PEAR1: variants seen among roughly 807,000 people sequenced by gnomAD.
The protein encoded by PEAR1 is multiple EGF-like domains protein 12.
In PEAR1, 113 loss-of-function variants were observed where a neutral mutation model predicts 131.2. The observed-to-expected ratio is 0.86, with a 90% confidence interval of 0.74 to 1.01. The LOEUF is 1.01. Ranked by LOEUF, PEAR1 falls within the 50% of genes least tolerant of loss-of-function variation. The pLI, the probability that PEAR1 is intolerant of heterozygous loss-of-function variation, is 0.00. For missense variants in PEAR1, 1,408 were observed against 1,391.1 expected (o/e 1.01, Z -0.19); for synonymous variants, 565 against 523.3 (o/e 1.08, Z -1.09).
chr1:156,905,239 G>T, intron 3 of PEAR1, 85 bp from the exon 4 acceptor site: 1 of 1,400,196 alleles, frequency 7.1e-7, no homozygotes, highest in South Asian at 1.2e-5. Context: ...GTTGAGTGGT[G>T]CCCCTTCCCT....
chr1:156,905,123 A>G, intron 3 of PEAR1: 2 of 1,226,956 alleles, frequency 1.6e-6, no homozygotes, highest in South Asian at 1.4e-5. Context: ...TTTTTTTAAT[A>G]GACAAGGTCT....
At position 156,910,082 on chromosome 1, in the gene PEAR1, G is replaced by T. The variant is rs368688164; in HGVS notation, c.1652G>T (p.Arg551Leu). ...GATGGCTGTGACCCTGTTCATGGAC[G>T]CTGTCAGTGCCAGGCTGGCTGGATG... is the stretch of plus-strand genomic sequence containing the variant. ...HSDGCDPVHG[R>L]CQCQAGWMGA... Residue 551 changes from arginine to leucine, a missense_variant, in exon 13 of 23, where the codon CGC becomes CTC. Arg to Leu is a moderately radical substitution (Grantham distance 102). Transcript: ENST00000292357. The T allele has an allele frequency of 1.2e-6, 2 of 1,614,024 alleles. No homozygotes were observed. The highest frequency in any genetic ancestry group is 1.7e-6 in the Non-Finnish European group (2 of 1,180,020).
chr1:156,910,013 A>T lies in PEAR1; in HGVS notation c.1583A>T (p.Gln528Leu). 6.2e-7 allele frequency: 1 copy of T among 1,613,672 alleles called. No homozygotes were observed. Among genetic ancestry groups the T allele is most frequent in the Non-Finnish European group, 8.5e-7 (1 of 1,180,008 alleles). The change falls in exon 13 of 23, where the codon CAG (glutamine) becomes CTG (leucine). Residue 528 changes from glutamine (Q) to leucine (L), a missense_variant. Gln to Leu is a moderately radical substitution (Grantham distance 113). Coordinates refer to ENST00000292357, the MANE Select transcript of PEAR1 (RefSeq NM_001080471.3). ...AHCQLPCPKG[Q>L]FGEGCASRCD... ...CCCCACTCCTTCTCCAAGAAGGGGC[A>T]GTTTGGAGAAGGTTGTGCCAGTCGC...
chr1:156,909,793 C>T lies in PEAR1; in HGVS notation c.1454C>T (p.Thr485Ile), dbSNP rs1200654495. 1 of 1,613,946 alleles carries T rather than the reference C, an allele frequency of 6.2e-7. No homozygotes were observed. The highest frequency in any genetic ancestry group is 2.2e-5 in the East Asian group (1 of 44,870). Residue 485 changes from threonine (T) to isoleucine (I), a missense_variant, in exon 12 of 23, where the codon ACC becomes ATC. Coordinates refer to ENST00000292357, the MANE Select transcript of PEAR1 (RefSeq NM_001080471.3). ...GNCSVPCPPG[T>I]WGFSCNASCQ... ...TGCTCTGTGCCCTGCCCACCCGGAA[C>T]CTGGGGCTTCAGTTGCAATGCCAGC...
Position 156,906,752 on chromosome 1 carries a change from G to C in PEAR1, c.516G>C (p.Pro172=). The part of the protein sequence containing the change: ...VCSCPSGLQP[P]NCLQPCTPGY... ...CTTGCCCTTCTGGTCTGCAGCCCCC[G>C]AACTGCCTTCAGCCCTGTACCCCTG... is the stretch of plus-strand genomic sequence containing the variant. The change falls in exon 6 of 23, where the codon CCG becomes CCC. Residue 172 remains proline (P), a synonymous_variant. Transcript: ENST00000292357. 6.2e-7 allele frequency: 1 copy of C among 1,614,220 alleles called. No individual in the cohort carries two copies. The highest frequency in any genetic ancestry group is 1.1e-5 in the South Asian group (1 of 91,084).
intron 1 of PEAR1, among the ~76,000 whole-genome samples, chr1:156,900,214 G>T (rs919218443): frequency 6.6e-6 from 1 of 152,140 alleles, no homozygotes; most frequent in Admixed American, 6.5e-5. Flanking sequence ...GAGCCCAGCC[G>T]ATTTGCATCT....
chr1:156,902,741 A>G lies in PEAR1; in HGVS notation c.-9-1177A>G, dbSNP rs1649813821. 6.6e-6 allele frequency among the ~76,000 whole-genome samples: 1 copy of G among 152,190 alleles called. No homozygotes were observed. Among genetic ancestry groups the G allele is most frequent in the South Asian group, 2.1e-4 (1 of 4,832 alleles). On this transcript the variant is annotated intron_variant, in intron 1 of 22. Transcript: ENST00000292357. The surrounding 1 kb of genome is among the most constrained non-coding windows in gnomAD (Gnocchi z 4.3). The stretch of plus-strand genomic sequence containing the variant: ...TCGGGGAGGCGTAGAGCAGGGAGCC[A>G]GAGCAAGTTTTGGGAACACGGAATG...
At chr1:156,913,038 G>C in intron 18 of PEAR1, 56 bp downstream of exon 18, 1 of 1,602,278 alleles carries the variant, frequency 6.2e-7, no homozygotes, top group Middle Eastern at 1.7e-4. Context: ...AGGCACAAGA[G>C]TGGATGCTGG....
At position 156,906,642 on chromosome 1, in the gene PEAR1, G is replaced by A. The variant is rs1349682300; in HGVS notation, c.406G>A (p.Ala136Thr). 6.2e-7 allele frequency: 1 copy of A among 1,614,128 alleles called. No homozygotes were observed. The highest frequency in any genetic ancestry group is 2.2e-5 in the East Asian group (1 of 44,888). Residue 136 changes from alanine (A) to threonine (T), a missense_variant, in exon 6 of 23, where the codon GCC becomes ACC. Transcript: ENST00000292357. ...CCCGCCTCCTTATCCCACAGAGTGT[G>A]CCCCAGGAATGTGGGGGCCACAGTG... Reference protein sequence around the residue: ...WRGDDCSSECAPGMWGPQCDK... With the variant: ...WRGDDCSSECTPGMWGPQCDK...
At chr1:156,906,568 G>A (rs1650327087) in intron 5 of PEAR1, 69 bp from the exon 6 acceptor site, 8 of 1,591,824 alleles carry the variant, frequency 5.0e-6, no homozygotes, top group African/African-American at 1.3e-5. Flanking sequence ...GAGGCTGGGA[G>A]ACAGAGACGG....
chr1:156,912,454 C>A (rs368051949), intron 16 of PEAR1, 40 bp from the exon 17 acceptor site: 1 of 1,604,304 alleles, frequency 6.2e-7, no homozygotes, highest in South Asian at 1.1e-5. Flanking sequence ...AGTTTCCTGG[C>A]GGCTCTGATG....
intron 1 of PEAR1, among the ~76,000 whole-genome samples, chr1:156,899,609 A>T (rs1386752167): frequency 6.6e-6 from 1 of 152,196 alleles, no homozygotes; most frequent in Non-Finnish European, 1.5e-5. Context: ...TGGGGGCCAC[A>T]TTGGGTGCAA....
chr1:156,905,105 G>A (rs998814596), intron 3 of PEAR1: 14 of 1,316,200 alleles, frequency 1.1e-5, no homozygotes, highest in Non-Finnish European at 1.4e-5. Context: ...AGAAGGGAAT[G>A]CTCTTTCTTT....
intron 2 of PEAR1, 63 bp downstream of exon 2, chr1:156,904,090 C>T (rs1649965826): frequency 3.0e-6 from 4 of 1,355,074 alleles, no homozygotes; most frequent in South Asian, 1.2e-5. Flanking sequence ...TCCCTATTGT[C>T]CCTACTGGGG....
chr1:156,903,477 G>T (rs547369122), intron 1 of PEAR1, among the ~76,000 whole-genome samples: 1 of 152,300 alleles, frequency 6.6e-6, no homozygotes, highest in Admixed American at 6.5e-5. Flanking sequence ...GGCCTGGGCT[G>T]GGGGCTGGGG....
In PEAR1 at chr1:156,903,947, C is replaced by T. The variant is rs770669772; in HGVS notation, c.21C>T (p.Pro7=). 4 of 1,614,046 alleles carry T rather than the reference C, an allele frequency of 2.5e-6. No homozygotes were observed. Among genetic ancestry groups the T allele is most frequent in the Admixed American group, 3.3e-5 (2 of 60,016 alleles). The change falls in exon 2 of 23, where the codon CCC becomes CCT. Residue 7 remains proline, a synonymous_variant. Coordinates refer to ENST00000292357, the MANE Select transcript of PEAR1 (RefSeq NM_001080471.3). ...CTGCAATGTCACCGCCTCTGTGTCC[C>T]CTCCTTCTCCTGGCTGTGGGCCTGC... MSPPLC[P]LLLLAVGLRL...
chr1:156,908,225 T>C lies in PEAR1; in HGVS notation c.1000T>C (p.Cys334Arg), dbSNP rs759523390. Residue 334 changes from cysteine (C) to arginine (R), a missense_variant, in exon 9 of 23, where the codon TGT (cysteine) becomes CGT (arginine). Coordinates refer to ENST00000292357, the MANE Select transcript of PEAR1 (RefSeq NM_001080471.3). The surrounding 1 kb of genome is among the most constrained non-coding windows in gnomAD (Gnocchi z 4.2). ...CCGTTGCTTCCCGGCCAACGGCGCA[T>C]GTCTGTGCGAACACGGCTTCACTGG... ...DARCFPANGA[C>R]LCEHGFTGDR... The C allele has an allele frequency of 3.7e-6, 6 of 1,602,538 alleles. No individual in the cohort carries two copies. The Admixed American group carries it at 5.0e-5, about 13-fold the overall frequency.
At chr1:156,905,082 T>TG (rs78436112) in intron 3 of PEAR1, 9,810 of 873,522 alleles carry the variant, frequency 0.011, 112 homozygotes, top group African/African-American at 0.071. Context: ...CCTGTGGGGT[T>TG]GGGGGGGGGG....
At chr1:156,907,531 G>T (rs1193338349) in intron 6 of PEAR1, 79 bp from the exon 7 acceptor site, 3 of 1,541,042 alleles carry the variant, frequency 1.9e-6, no homozygotes, top group Admixed American at 1.9e-5. Flanking sequence ...GGTGGGGGTT[G>T]TGGGGGCAGT....
Sources: gnomAD v4.1 joint callset for allele counts (sites outside exome capture counted in the v4.1 genomes callset) on GRCh38, gnomAD v4.1.1 for gene constraint, Gnocchi (gnomAD v3.1) non-coding constraint, MANE v1.5 for transcripts, NCBI Gene and HGNC (gene_info 2026-07-23, HGNC 2026-07-21) for gene names.